Variants in BORA observed in about 807,000 individuals in gnomAD.
The protein encoded by BORA is protein aurora borealis.
In BORA, 26 loss-of-function variants were observed where a neutral mutation model predicts 55.8. The ratio of observed to expected loss-of-function variants is 0.47; its 90% CI spans 0.34 to 0.65. BORA has a LOEUF of 0.65. BORA is among the 30% of genes least tolerant of loss of function. BORA has a pLI of 0.01. For synonymous variants in BORA, 201 were observed against 216.9 expected (o/e 0.93, Z 0.64); for missense variants, 568 against 671.5 (o/e 0.85, Z 1.70).
chr13:72,747,244 T>C, intron 10 of BORA, 133 bp downstream of exon 10: 2 of 924,390 alleles, frequency 2.2e-6, no homozygotes, highest in East Asian at 5.9e-5. Flanking sequence ...TTTAAAAATA[T>C]TAATACCAAG....
intron 10 of BORA, among the ~76,000 whole-genome samples, chr13:72,749,595 T>C (rs1036527081): frequency 6.6e-6 from 1 of 152,164 alleles, no homozygotes; most frequent in Non-Finnish European, 1.5e-5. Flanking sequence ...TTTTATTTTC[T>C]ACACTTTTGA....
chr13:72,740,754 A>T (rs984945067), intron 5 of BORA, among the ~76,000 whole-genome samples: 7 of 152,176 alleles, frequency 4.6e-5, no homozygotes, highest in African/African-American at 9.7e-5. Context: ...AACTGTATTT[A>T]AAAAAATAGG....
chr13:72,745,826 T>C, intron 8 of BORA, 118 bp from the exon 9 acceptor site: 1 of 801,800 alleles, frequency 1.2e-6, no homozygotes, highest in Non-Finnish European at 1.8e-6. Context: ...CTTTTGGTGG[T>C]TCTCGTGAAC....
At chr13:72,750,200 C>T (rs1185983421) in intron 10 of BORA, among the ~76,000 whole-genome samples, 3 of 152,130 alleles carry the variant, frequency 2.0e-5, no homozygotes, top group African/African-American at 4.8e-5. Context: ...ACTTAGAAAG[C>T]ACAGTGTCAT....
chr13:72,733,278 A>C (rs1395424063), intron 3 of BORA, among the ~76,000 whole-genome samples: 1 of 152,150 alleles, frequency 6.6e-6, no homozygotes, highest in Non-Finnish European at 1.5e-5. Context: ...AGAAAATTGT[A>C]ACTGAAAAGC....
chr13:72,742,028 C>T (rs2033042517), intron 5 of BORA, among the ~76,000 whole-genome samples: 1 of 152,100 alleles, frequency 6.6e-6, no homozygotes, highest in Non-Finnish European at 1.5e-5. Flanking sequence ...GGGTTTTAGG[C>T]AGAGAGAGTA....
At chr13:72,744,112 T>TGCATCCAGCCATGTTTTA in intron 6 of BORA, among the ~76,000 whole-genome samples, 1 of 152,302 alleles carries the variant, frequency 6.6e-6, no homozygotes, top group Middle Eastern at 3.4e-3. Context: ...GTAGAACAGA[T>TGCATCCAGCCATGTTTTA]GCATCCAGCC....
At position 72,746,953 on chromosome 13, in the gene BORA, G is replaced by A; in HGVS notation, c.1324G>A (p.Ala442Thr). ...GGATATGGTTGATCCTATAGAGATA[G>A]CAGATGAGACCACTTGGATTAAGGA... ...TVDMVDPIEI[A>T]DETTWIKEPV... Residue 442 changes from alanine to threonine, a missense_variant, in exon 10 of 12, where the codon GCA (alanine) becomes ACA (threonine). Coordinates refer to ENST00000390667, the MANE Select transcript of BORA (RefSeq NM_024808.5). The A allele has an allele frequency of 6.2e-7, 1 of 1,614,120 alleles. No homozygotes were observed.
In BORA at chr13:72,755,781, T is replaced by C. The variant is rs1234200867; in HGVS notation, c.*565T>C. On this transcript the variant is annotated 3_prime_UTR_variant, in exon 12 of 12. Transcript: ENST00000390667. ...TTCCAGTGATAACTGTTCTAGTTACTACTTTTAAGTATGTAAATACTAGAA... is the reference window on the plus strand; with the variant it reads ...TTCCAGTGATAACTGTTCTAGTTACCACTTTTAAGTATGTAAATACTAGAA... The C allele has an allele frequency of 5.0e-6, 2 of 397,996 alleles. No individual in the cohort carries two copies. The highest frequency in any genetic ancestry group is 8.8e-6 in the Non-Finnish European group (2 of 225,994). 24.7% of individuals were successfully genotyped at this position (397,996 alleles called of 1,614,324 possible).
At chr13:72,731,864 T>C (rs1264277004) in intron 3 of BORA, among the ~76,000 whole-genome samples, 1 of 152,230 alleles carries the variant, frequency 6.6e-6, no homozygotes, top group Non-Finnish European at 1.5e-5. Context: ...AGCGGTTTTT[T>C]AGACATCATC....
intron 10 of BORA, among the ~76,000 whole-genome samples, chr13:72,749,934 T>G (rs1362344329): frequency 6.6e-6 from 1 of 152,200 alleles, no homozygotes; most frequent in Admixed American, 6.5e-5. Context: ...ATCAGACCAC[T>G]AATGCAGCAG....
intron 1 of BORA, among the ~76,000 whole-genome samples, 171 bp from the exon 2 acceptor site, chr13:72,728,755 A>G (rs1159145993): frequency 6.6e-6 from 1 of 152,240 alleles, no homozygotes; most frequent in Non-Finnish European, 1.5e-5. Context: ...TTCGAGGATC[A>G]GTTGAGAACA....
In BORA at chr13:72,753,522, GACT is replaced by G. The variant is rs1393645108; in HGVS notation, c.1483-165_1483-163del. 7.8e-6 allele frequency: 5 copies of G among 639,420 alleles called. No homozygotes were observed. The African/African-American group carries it at 9.2e-5, about 12-fold the overall frequency. 39.6% of individuals were successfully genotyped at this position (639,420 alleles called of 1,614,324 possible). A position where few individuals can be genotyped will look rare whatever the true frequency, so the allele number is the denominator to read the frequency against. On this transcript the variant is annotated intron_variant, in intron 10 of 11. Transcript: ENST00000390667. ...GACTACAATAATCAGTACTATGCAG[GACT>G]ACCTTTTATATTTGTGCATTACTTT...
intron 4 of BORA, among the ~76,000 whole-genome samples, chr13:72,737,355 T>C (rs2032950568): frequency 6.6e-6 from 1 of 152,232 alleles, no homozygotes; most frequent in East Asian, 1.9e-4. Flanking sequence ...CACCATTATA[T>C]GTAGGAATTC....
In BORA at chr13:72,755,151, C is replaced by T; in HGVS notation, c.1615C>T (p.Gln539Ter). Residue 539 changes from glutamine (Q) to a stop codon, truncating the protein, a stop_gained and splice_region_variant, in exon 12 of 12, where the codon CAA becomes TAA. Coordinates refer to ENST00000390667, the MANE Select transcript of BORA (RefSeq NM_024808.5). LOFTEE classifies it low-confidence loss of function (END_TRUNC). Reference protein sequence around the residue: ...ESKSQAFNMKQDHTTQRCWMK... With the variant: ...ESKSQAFNMK ...CAAGGTATTGTCTTCTTTTTCACAG[C>T]AAGACCACACAACACAGAGGTGTTG... 1 of 1,613,468 alleles carries T rather than the reference C, an allele frequency of 6.2e-7. No homozygotes were observed. The highest frequency in any genetic ancestry group is 8.5e-7 in the Non-Finnish European group (1 of 1,179,624).
In BORA at chr13:72,744,538, ATT is replaced by A. The variant is rs2033102987; in HGVS notation, c.491_492del (p.Phe164Ter). The stretch of plus-strand genomic sequence containing the variant: ...CAGACATTGCTGTCTCTTCCTGTGG[ATT>A]TTAATTTAGAAAATATATTAGGTAA... On this transcript the variant is annotated frameshift_variant, in exon 7 of 12. Transcript: ENST00000390667. LOFTEE classifies it high-confidence loss of function. 2 of 1,609,688 alleles carry A rather than the reference ATT, an allele frequency of 1.2e-6. No homozygotes were observed. Among genetic ancestry groups the A allele is most frequent in the Non-Finnish European group, 1.7e-6 (2 of 1,177,288 alleles).
intron 2 of BORA, among the ~76,000 whole-genome samples, chr13:72,730,884 C>T (rs2032796344): frequency 8.2e-6 from 1 of 121,222 alleles, no homozygotes; most frequent in Admixed American, 9.8e-5. Context: ...AACCCCATCT[C>T]TACTAAAAAA....
At position 72,727,978 on chromosome 13, in the gene BORA, G is replaced by C; in HGVS notation, c.-45G>C. ...CTGGCCCCCGGAGCTCCCTGGAGTC[G>C]GTACTGGGGGCTTCGTTTTGTACGC... On this transcript the variant is annotated 5_prime_UTR_variant, in exon 1 of 12. Coordinates refer to ENST00000390667, the MANE Select transcript of BORA (RefSeq NM_024808.5). 1 of 1,550,144 alleles carries C rather than the reference G, an allele frequency of 6.5e-7. No homozygotes were observed. The highest frequency in any genetic ancestry group is 8.7e-7 in the Non-Finnish European group (1 of 1,146,902).
At chr13:72,744,647 T>C (rs2033105271) in intron 7 of BORA, 86 bp downstream of exon 7, 3 of 992,286 alleles carry the variant, frequency 3.0e-6, no homozygotes, top group Non-Finnish European at 4.6e-6. Context: ...ACATGGGAAA[T>C]ATGTGGCAGT....
Sources: gnomAD v4.1 joint callset for allele counts (sites outside exome capture counted in the v4.1 genomes callset) on GRCh38, gnomAD v4.1.1 for gene constraint, MANE v1.5 for transcripts, NCBI Gene and HGNC (gene_info 2026-07-23, HGNC 2026-07-21) for gene names.